TRPM3: variants seen among roughly 807,000 people sequenced by gnomAD.
The protein encoded by TRPM3 is transient receptor potential cation channel subfamily M member 3.
Under a neutral mutation model 181.2 loss-of-function variants are expected in TRPM3, and 77 were observed. The ratio of observed to expected loss-of-function variants is 0.42; its 90% CI spans 0.35 to 0.51. The LOEUF (loss-of-function observed/expected upper bound fraction) is 0.51, where lower values mean the gene tolerates loss of function less well. Among genes scored for constraint, TRPM3 ranks in the 20% least tolerant of loss-of-function variants. The pLI, the probability that TRPM3 is intolerant of heterozygous loss-of-function variation, is 0.01. For missense variants in TRPM3, 1,759 were observed against 2,196.7 expected, an observed-to-expected ratio of 0.80 and a Z score of 3.98; for synonymous variants, 745 against 796.4, an observed-to-expected ratio of 0.94 and a Z score of 1.09.
intron 1 of TRPM3, among the ~76,000 whole-genome samples, chr9:71,422,366 A>G (rs1460767240): frequency 1.3e-5 from 2 of 152,060 alleles, no homozygotes; most frequent in African/African-American, 4.8e-5. Flanking sequence ...TGCCACTTGC[A>G]TGTGTCATTT....
At chr9:70,810,190 C>T in intron 6 of TRPM3, 1 of 426,492 alleles carries the variant, frequency 2.3e-6, no homozygotes, top group Middle Eastern at 6.1e-4. Flanking sequence ...TTGCCTCCAC[C>T]CCCACCCTCC....
chr9:71,406,687 TATA>T (rs1372836213), intron 1 of TRPM3, among the ~76,000 whole-genome samples: 1 of 152,190 alleles, frequency 6.6e-6, no homozygotes, highest in Non-Finnish European at 1.5e-5. Flanking sequence ...TCATCCTTGT[TATA>T]ATAATGTCAT....
intron 1 of TRPM3, among the ~76,000 whole-genome samples, chr9:70,887,508 T>G (rs10780982): frequency 0.35 from 52,978 of 152,038 alleles, 10,193 homozygotes; most frequent in Admixed American, 0.43. Context: ...TAAAATTTTA[T>G]GCTATGATAT....
chr9:71,315,789 G>A (rs190079129), intron 1 of TRPM3, among the ~76,000 whole-genome samples: 10 of 152,226 alleles, frequency 6.6e-5, no homozygotes, highest in Admixed American at 2.0e-4. Context: ...TGACAACTGG[G>A]ACTTTTTATT....
intron 1 of TRPM3, among the ~76,000 whole-genome samples, chr9:71,205,224 C>T (rs185346444): frequency 2.1e-5 from 3 of 143,542 alleles, no homozygotes; most frequent in African/African-American, 5.3e-5. Flanking sequence ...AAGTAATGCA[C>T]GAATGTTTAA....
At chr9:70,917,170 G>A in intron 1 of TRPM3, 1 of 1,605,892 alleles carries the variant, frequency 6.2e-7, no homozygotes, top group South Asian at 1.1e-5. Context: ...CCAGTTCTAG[G>A]AGGAGTTTCT....
intron 1 of TRPM3, among the ~76,000 whole-genome samples, chr9:70,997,111 C>T (rs1490791752): frequency 1.3e-5 from 2 of 152,200 alleles, no homozygotes; most frequent in Admixed American, 6.5e-5. Context: ...AGAGATAAAA[C>T]TGATTTATAA....
chr9:71,379,818 A>C (rs532712126), intron 1 of TRPM3, among the ~76,000 whole-genome samples: 5 of 152,156 alleles, frequency 3.3e-5, no homozygotes, highest in African/African-American at 1.2e-4. Context: ...AGCAGAGAAG[A>C]AGCTCGAATG....
chr9:71,275,894 T>G (rs1342256713), intron 1 of TRPM3, among the ~76,000 whole-genome samples: 1 of 150,618 alleles, frequency 6.6e-6, no homozygotes, highest in East Asian at 1.9e-4. Context: ...CAGGCTGGAG[T>G]GCTGTGGCGT....
At chr9:70,903,036 G>A (rs1424306433) in intron 1 of TRPM3, among the ~76,000 whole-genome samples, 1 of 152,138 alleles carries the variant, frequency 6.6e-6, no homozygotes, top group Non-Finnish European at 1.5e-5. Context: ...ATGTAAAGAT[G>A]TTATCCACTA....
intron 1 of TRPM3, among the ~76,000 whole-genome samples, chr9:71,137,151 C>T (rs1161059020): frequency 2.0e-5 from 3 of 152,014 alleles, no homozygotes; most frequent in African/African-American, 7.2e-5. Flanking sequence ...CTTAATAATG[C>T]AAAAGTTAGT....
intron 1 of TRPM3, among the ~76,000 whole-genome samples, chr9:71,237,706 C>T (rs199615085): frequency 4.6e-5 from 7 of 152,168 alleles, no homozygotes; most frequent in South Asian, 4.2e-4. Context: ...TGTTTTGTGC[C>T]GCTGTAACAG....
intron 1 of TRPM3, among the ~76,000 whole-genome samples, chr9:71,313,332 A>G (rs1389644488): frequency 6.6e-6 from 1 of 152,188 alleles, no homozygotes; most frequent in Non-Finnish European, 1.5e-5. Context: ...GTACTTTAAA[A>G]GTTTTTAAAA....
At chr9:71,433,691 A>G (rs1489481462) in intron 1 of TRPM3, among the ~76,000 whole-genome samples, 2 of 152,242 alleles carry the variant, frequency 1.3e-5, no homozygotes, top group Admixed American at 6.5e-5. Flanking sequence ...TTGTAGACAC[A>G]TAACCCAAGA....
At chr9:70,967,555 G>A (rs1283587317) in intron 1 of TRPM3, among the ~76,000 whole-genome samples, 1 of 151,988 alleles carries the variant, frequency 6.6e-6, no homozygotes, top group Non-Finnish European at 1.5e-5. Flanking sequence ...GTCACTTTAT[G>A]CAAGTACACA....
intron 1 of TRPM3, among the ~76,000 whole-genome samples, chr9:71,113,099 T>C (rs1376039037): frequency 3.3e-5 from 5 of 152,164 alleles, no homozygotes; most frequent in African/African-American, 9.7e-5. Flanking sequence ...CTGAAGAATG[T>C]CAAACACAGC....
At chr9:71,039,568 T>C (rs531529175) in intron 1 of TRPM3, among the ~76,000 whole-genome samples, 328 of 152,244 alleles carry the variant, frequency 2.2e-3, no homozygotes, top group African/African-American at 7.5e-3. Context: ...CTCACAAAAG[T>C]AGAGAAGGCT....
intron 7 of TRPM3, among the ~76,000 whole-genome samples, chr9:70,769,581 T>C (rs554770346): frequency 2.0e-4 from 30 of 152,200 alleles, no homozygotes; most frequent in African/African-American, 6.7e-4. Context: ...TGTAAACATA[T>C]ATCAAGACAT....
chr9:71,232,443 T>C (rs945797338), intron 1 of TRPM3, among the ~76,000 whole-genome samples: 14 of 149,784 alleles, frequency 9.3e-5, no homozygotes, highest in African/African-American at 3.4e-4. Flanking sequence ...CTTGCTCTGC[T>C]CACTCCCTGA....
Sources: gnomAD v4.1 joint callset for allele counts (sites outside exome capture counted in the v4.1 genomes callset) on GRCh38, gnomAD v4.1.1 for gene constraint, MANE v1.5 for transcripts, NCBI Gene and HGNC (gene_info 2026-07-23, HGNC 2026-07-21) for gene names.